PRDM11: variants seen among roughly 807,000 people sequenced by gnomAD.
The protein encoded by PRDM11 is PR domain-containing protein 11.
In PRDM11, 20 loss-of-function variants were observed where a neutral mutation model predicts 97.8. That is an observed-to-expected ratio of 0.20 (90% CI 0.14 to 0.30). The LOEUF is 0.30. PRDM11 is among the 10% of genes least tolerant of loss of function. PRDM11 has a pLI of 1.00. For missense variants in PRDM11, 1,139 were observed against 1,555.2 expected, an observed-to-expected ratio of 0.73 and a Z score of 4.50; for synonymous variants, 599 against 637.7, an observed-to-expected ratio of 0.94 and a Z score of 0.91.
rs74964252 is a variant in PRDM11 at position 45,219,632 on chromosome 11, G to T, written c.617G>T (p.Arg206Leu). The change falls in exon 6 of 8, where the codon CGC becomes CTC. Residue 206 changes from arginine to leucine, a missense_variant. Around this residue, in one of 2 missense-constraint regions of PRDM11, gnomAD observed 429 missense variants for 510.3 expected, o/e 0.84. Coordinates refer to ENST00000683152, the MANE Select transcript of PRDM11 (RefSeq NM_001384648.1). The surrounding 1 kb of genome is among the most constrained non-coding windows in gnomAD (Gnocchi z 4.2). ...CTGCTGGCGTTCCAGCACAGTGAGC[G>T]CATCTACTTCCGGGCGTGCAGGGAC... is the stretch of plus-strand genomic sequence containing the variant. ...QNLLAFQHSE[R>L]IYFRACRDIR... 1.9e-5 allele frequency: 31 copies of T among 1,614,084 alleles called. No homozygotes were observed. The highest frequency in any genetic ancestry group is 2.7e-5 in the African/African-American group (2 of 75,028).
At chr11:45,122,202 G>GACACACACACAC (rs756403475) in intron 1 of PRDM11, among the ~76,000 whole-genome samples, 65 of 145,128 alleles carry the variant, frequency 4.5e-4, no homozygotes, top group African/African-American at 1.5e-3. Context: ...CACACACACA[G>GACACACACACAC]ACACACACAC....
At chr11:45,182,779 C>T in intron 3 of PRDM11, 82 bp from the exon 4 acceptor site, 1 of 1,448,542 alleles carries the variant, frequency 6.9e-7, no homozygotes, top group East Asian at 2.3e-5. Context: ...AGTGGGCCTC[C>T]TGTCAGCCCC....
At chr11:45,150,245 C>A (rs982956498) in intron 1 of PRDM11, among the ~76,000 whole-genome samples, 1 of 152,108 alleles carries the variant, frequency 6.6e-6, no homozygotes, top group Non-Finnish European at 1.5e-5. Context: ...TCAGGGAAGC[C>A]CTCCCTGATT....
chr11:45,150,613 C>T (rs1296748370), intron 1 of PRDM11, among the ~76,000 whole-genome samples: 8 of 152,174 alleles, frequency 5.3e-5, no homozygotes, highest in Admixed American at 5.2e-4. Flanking sequence ...GTACGTTCCC[C>T]ATCCTTACTG....
chr11:45,170,831 G>C (rs1324743232), intron 1 of PRDM11, among the ~76,000 whole-genome samples: 1 of 152,164 alleles, frequency 6.6e-6, no homozygotes, highest in East Asian at 1.9e-4. Context: ...AGGGAGTAGT[G>C]GCTTAGAGCA....
chr11:45,204,492 T>G (rs76002023), intron 4 of PRDM11, among the ~76,000 whole-genome samples: 4,833 of 152,158 alleles, frequency 0.032, 136 homozygotes, highest in South Asian at 0.063. Flanking sequence ...TCTAGGAGAA[T>G]AGGATCTCCA....
intron 1 of PRDM11, among the ~76,000 whole-genome samples, chr11:45,136,878 C>G (rs939539396): frequency 6.6e-6 from 1 of 151,806 alleles, no homozygotes; most frequent in African/African-American, 2.4e-5. Flanking sequence ...CACAGAGGCT[C>G]CTGCCTGTAA....
chr11:45,182,460 C>T, intron 3 of PRDM11, 111 bp downstream of exon 3: 1 of 963,776 alleles, frequency 1.0e-6, no homozygotes. Flanking sequence ...CTGCAATATA[C>T]CAGGCCCAGG....
rs797002927 is a variant in PRDM11 at position 45,123,776 on chromosome 11, C to T, written c.96+27875C>T. Among the ~76,000 whole-genome samples the T allele has an allele frequency of 4.5e-3, 674 of 151,390 alleles. 3 individuals carry two copies. The highest frequency in any genetic ancestry group is 0.015 in the African/African-American group (615 of 41,318). On this transcript the variant is annotated intron_variant, in intron 1 of 6. Transcript: ENST00000530656. ...TGTAGTATAGTTTGAAGTCAGGTAG[C>T]GTGATGCCTCCGGCTTTGTTCTTTT...
intron 1 of PRDM11, among the ~76,000 whole-genome samples, chr11:45,114,400 T>C (rs1444419413): frequency 6.6e-6 from 1 of 152,010 alleles, no homozygotes; most frequent in Non-Finnish European, 1.5e-5. Context: ...TAATCTGAAG[T>C]GGAAAAAGGT....
At chr11:45,105,270 G>A (rs555076661) in intron 1 of PRDM11, among the ~76,000 whole-genome samples, 11 of 152,254 alleles carry the variant, frequency 7.2e-5, no homozygotes, top group South Asian at 4.1e-4. Context: ...CCATCACATC[G>A]GTGATTAGGT....
At chr11:45,220,187 C>A (rs1854079780) in intron 6 of PRDM11, among the ~76,000 whole-genome samples, 1 of 152,186 alleles carries the variant, frequency 6.6e-6, no homozygotes, top group East Asian at 1.9e-4. Flanking sequence ...ACTCTACCAC[C>A]GTCAGAGGCC....
intron 1 of PRDM11, among the ~76,000 whole-genome samples, chr11:45,099,063 G>A (rs1288910120): frequency 1.3e-5 from 2 of 152,168 alleles, no homozygotes; most frequent in Non-Finnish European, 2.9e-5. Context: ...GGCTACTGCA[G>A]GAAGCCAGCT....
chr11:45,212,778 T>C (rs1459294507), intron 5 of PRDM11: 1 of 456,194 alleles, frequency 2.2e-6, no homozygotes, highest in Non-Finnish European at 4.4e-6. Context: ...CTGGTGACCG[T>C]GCACCGGGAC....
At chr11:45,123,421 G>C (rs948575739) in intron 1 of PRDM11, among the ~76,000 whole-genome samples, 2 of 150,296 alleles carry the variant, frequency 1.3e-5, no homozygotes, top group African/African-American at 4.9e-5. Context: ...CCTTGCCCAT[G>C]CCTATGTCCT....
intron 1 of PRDM11, among the ~76,000 whole-genome samples, chr11:45,102,740 GC>G: frequency 6.6e-6 from 1 of 152,336 alleles, no homozygotes; most frequent in Admixed American, 6.5e-5. Flanking sequence ...CCTGGTGGAT[GC>G]TGGAAACGCC....
At chr11:45,184,272 C>A (rs1852622759) in intron 4 of PRDM11, among the ~76,000 whole-genome samples, 1 of 152,152 alleles carries the variant, frequency 6.6e-6, no homozygotes, top group African/African-American at 2.4e-5. Context: ...TTTTGTAGGG[C>A]CCAGTGGACC....
chr11:45,099,376 G>A (rs892291841), intron 1 of PRDM11, among the ~76,000 whole-genome samples: 1 of 151,054 alleles, frequency 6.6e-6, no homozygotes, highest in African/African-American at 2.4e-5. Flanking sequence ...GCTTGAACTC[G>A]GGAGGCGGAG....
intron 1 of PRDM11, among the ~76,000 whole-genome samples, chr11:45,123,133 C>A (rs10742741): frequency 0.82 from 125,341 of 152,004 alleles, 52,505 homozygotes; most frequent in Middle Eastern, 0.88. Flanking sequence ...TGGCTGCATA[C>A]ATGTCTTCTT....
Sources: gnomAD v4.1 joint callset for allele counts (sites outside exome capture counted in the v4.1 genomes callset) on GRCh38, gnomAD v4.1.1 for gene constraint, gnomAD v4.1.1 regional missense constraint, Gnocchi (gnomAD v3.1) non-coding constraint, MANE v1.5 for transcripts, NCBI Gene and HGNC (gene_info 2026-07-23, HGNC 2026-07-21) for gene names.